The following CTDP1 variants were observed in gnomAD, a reference collection of about 807,000 sequenced individuals.
CTDP1 encodes the protein CTD phosphatase 1, also known as RNA polymerase II subunit A C-terminal domain phosphatase.
In CTDP1, 47 loss-of-function variants were observed where a neutral mutation model predicts 91.8. The ratio of observed to expected loss-of-function variants is 0.51; its 90% CI spans 0.41 to 0.65. The LOEUF is 0.65. Among genes scored for constraint, CTDP1 ranks in the 30% least tolerant of loss-of-function variants. The pLI is 0.00. For synonymous variants in CTDP1, 656 were observed against 598.5 expected (o/e 1.10, Z -1.40); for missense variants, 1,272 against 1,373.7 (o/e 0.93, Z 1.17).
intron 4 of CTDP1, among the ~76,000 whole-genome samples, chr18:79,704,565 G>A (rs866345333): frequency 6.6e-6 from 1 of 152,236 alleles, no homozygotes; most frequent in South Asian, 2.1e-4. Flanking sequence ...CATGTGGAGG[G>A]ATGGGCACAT....
intron 12 of CTDP1, among the ~76,000 whole-genome samples, chr18:79,738,330 G>GT (rs1210024537): frequency 6.6e-6 from 1 of 152,234 alleles, no homozygotes; most frequent in East Asian, 1.9e-4. Flanking sequence ...GACATCCTCA[G>GT]TACAGACTTG....
chr18:79,688,675 C>A (rs1599195362), intron 1 of CTDP1, among the ~76,000 whole-genome samples: 1 of 152,192 alleles, frequency 6.6e-6, no homozygotes, highest in East Asian at 1.9e-4. Flanking sequence ...GCTGGGATTA[C>A]AGGCGTGAGC....
intron 11 of CTDP1, among the ~76,000 whole-genome samples, chr18:79,730,479 A>G (rs948652923): frequency 6.6e-6 from 1 of 152,240 alleles, no homozygotes; most frequent in South Asian, 2.1e-4. Flanking sequence ...TTGAATTCTC[A>G]ATGGGAGACA....
chr18:79,720,212 C>T (rs1291060061), intron 10 of CTDP1, among the ~76,000 whole-genome samples: 1 of 147,910 alleles, frequency 6.8e-6, no homozygotes, highest in Admixed American at 6.7e-5. Flanking sequence ...GTTAGGAAGG[C>T]GTCCTGGTGA....
chr18:79,736,157 A>G (rs1238148131), intron 11 of CTDP1, 198 bp from the exon 12 acceptor site: 4 of 671,070 alleles, frequency 6.0e-6, no homozygotes, highest in Non-Finnish European at 1.0e-5. Flanking sequence ...TGCTCTGTGG[A>G]TTTCCAAGCG....
upstream of CTDP1, among the ~76,000 whole-genome samples, chr18:79,676,856 T>C (rs1274549488): frequency 6.6e-6 from 1 of 152,236 alleles, no homozygotes; most frequent in Non-Finnish European, 1.5e-5. Flanking sequence ...ATGATACTTG[T>C]AAGATAACTG....
At chr18:79,694,914 C>T (rs1417425604) in intron 1 of CTDP1, among the ~76,000 whole-genome samples, 1 of 152,184 alleles carries the variant, frequency 6.6e-6, no homozygotes, top group Non-Finnish European at 1.5e-5. Flanking sequence ...TGTTTTGAGA[C>T]AACTTTATGT....
chr18:79,744,806 C>T (rs961354764), intron 12 of CTDP1, among the ~76,000 whole-genome samples: 15 of 152,058 alleles, frequency 9.9e-5, no homozygotes, highest in Non-Finnish European at 1.5e-4. Context: ...TCATGGGGGG[C>T]GTCGTGGGAG....
intron 5 of CTDP1, among the ~76,000 whole-genome samples, chr18:79,705,933 A>G (rs1271221845): frequency 6.6e-6 from 1 of 152,230 alleles, no homozygotes; most frequent in Non-Finnish European, 1.5e-5. Context: ...AGATGATGTG[A>G]AGACGAGTAA....
In CTDP1 at chr18:79,686,171, C is replaced by T. The variant is rs557817394; in HGVS notation, c.314+5910C>T. On this transcript the variant is annotated intron_variant, in intron 1 of 12. Transcript: ENST00000613122. ...CTTTTAGATAAAGGACTTTGAAGCA[C>T]GTCTGCCTGGAAATGGTTTGTAGGT... Among the ~76,000 whole-genome samples, 6 of 152,238 alleles carry T rather than the reference C, an allele frequency of 3.9e-5. No homozygotes were observed. The East Asian group carries it at 5.8e-4, about 15-fold the overall frequency.
intron 12 of CTDP1, among the ~76,000 whole-genome samples, chr18:79,748,984 C>G (rs2122886179): frequency 6.6e-6 from 1 of 152,348 alleles, no homozygotes; most frequent in East Asian, 1.9e-4. Context: ...GTGGTCCCTT[C>G]CGTGGGCTCG....
chr18:79,711,514 C>T (rs1440292832), intron 6 of CTDP1, among the ~76,000 whole-genome samples: 1 of 152,144 alleles, frequency 6.6e-6, no homozygotes, highest in Admixed American at 6.5e-5. Context: ...TCGAAAGGAC[C>T]CGAGTGGGCA....
rs1009983503 is a variant in CTDP1, at chr18:79,754,099, T to G, written c.*309T>G. ...CTCGGTAAGGGGCGGGTTGGTGTGT[T>G]TTCCCCTTGTGTACCAGAGCACATT... On this transcript the variant is annotated 3_prime_UTR_variant, in exon 13 of 13. Transcript: ENST00000613122. 5.6e-5 allele frequency: 24 copies of G among 427,458 alleles called. No individual in the cohort carries two copies. The Admixed American group carries it at 8.2e-4, about 15-fold the overall frequency. The allele number at this position is 427,458 out of a possible 1,614,324, so 26.5% of individuals were successfully genotyped here. A position where few individuals can be genotyped will look rare whatever the true frequency, so the allele number is the denominator to read the frequency against.
chr18:79,736,668 T>C, intron 12 of CTDP1, 147 bp downstream of exon 12: 1 of 795,512 alleles, frequency 1.3e-6, no homozygotes, highest in Non-Finnish European at 1.9e-6. Flanking sequence ...CAGCAGCCCC[T>C]GGTGATGGCC....
chr18:79,692,911 G>A (rs2036137395), intron 1 of CTDP1, among the ~76,000 whole-genome samples: 1 of 152,250 alleles, frequency 6.6e-6, no homozygotes, highest in African/African-American at 2.4e-5. Flanking sequence ...CTCCCAAGTG[G>A]GGTTGCTGCC....
intron 1 of CTDP1, among the ~76,000 whole-genome samples, chr18:79,690,952 C>G (rs757055056): frequency 6.6e-6 from 1 of 152,228 alleles, no homozygotes; most frequent in Non-Finnish European, 1.5e-5. Flanking sequence ...TGGAAGCCTG[C>G]GGAGTGCTGC....
chr18:79,705,134 G>C (rs954340033), intron 5 of CTDP1, among the ~76,000 whole-genome samples: 4 of 152,164 alleles, frequency 2.6e-5, no homozygotes, highest in African/African-American at 9.7e-5. Flanking sequence ...GTGCGGTACT[G>C]GGTGGGCCGC....
At position 79,717,869 on chromosome 18, in the gene CTDP1, A is replaced by G. The variant is rs775925174; in HGVS notation, c.2270A>G (p.His757Arg). 1.9e-6 allele frequency: 3 copies of G among 1,613,372 alleles called. No homozygotes were observed. The highest frequency in any genetic ancestry group is 2.5e-6 in the Non-Finnish European group (3 of 1,179,942). ...GGTGTGCCCCCCACCGCCTTGTTCC[A>G]CCCGATGCCGGTTCTTCCCAAGGCC... ...REGVPPTALF[H>R]PMPVLPKAQP... The change falls in exon 10 of 13, where the codon CAC (histidine) becomes CGC (arginine). Residue 757 changes from histidine (H) to arginine (R), a missense_variant. His to Arg is a conservative substitution (Grantham distance 29). This residue lies in a region of CTDP1 where 881 missense variants were observed against 911.6 expected (regional missense o/e 0.97). Transcript: ENST00000613122.
chr18:79,681,744 C>T (rs931521267), intron 1 of CTDP1, among the ~76,000 whole-genome samples: 4 of 152,128 alleles, frequency 2.6e-5, no homozygotes, highest in African/African-American at 7.2e-5. Context: ...TCAGATGGAG[C>T]GTCTGTGTGG....
Sources: allele counts gnomAD v4.1 joint callset (sites outside exome capture counted in the v4.1 genomes callset), GRCh38; gene constraint gnomAD v4.1.1; regional missense constraint gnomAD v4.1.1; transcripts MANE v1.5; gene names NCBI Gene and HGNC (gene_info 2026-07-23, HGNC 2026-07-21).